WDR82: variants seen among roughly 807,000 people sequenced by gnomAD.
WDR82 encodes WD repeat domain 82, also known as WD repeat-containing protein 82.
WDR82 carries 8 observed loss-of-function variants against 36.1 expected under a neutral mutation model. The observed-to-expected ratio is 0.22, with a 90% CI of 0.13 to 0.40. WDR82 has a LOEUF of 0.40. Among genes scored for constraint, WDR82 ranks in the 10% least tolerant of loss-of-function variants. The probability of loss-of-function intolerance (pLI) is 1.00; values close to 1 mark genes in which losing one functional copy is unlikely to be tolerated. For missense variants in WDR82, 185 were observed against 400.5 expected (o/e 0.46, Z 4.59); for synonymous variants, 129 against 137.8 (o/e 0.94, Z 0.45).
In WDR82 at chr3:52,278,350, G is replaced by T. The variant is rs755133868; in HGVS notation, c.12C>A (p.Thr4=). 2 of 1,577,066 alleles carry T rather than the reference G, an allele frequency of 1.3e-6. No individual in the cohort carries two copies. Among genetic ancestry groups the T allele is most frequent in the South Asian group, 2.3e-5 (2 of 87,274 alleles). MKL[T]DSVLRSFRVA... ...CGCGGAAGCTCCGCAACACGCTGTC[G>T]GTCAGCTTCATGGCGGCGGCTGGGG... Residue 4 remains threonine, a synonymous_variant, in exon 1 of 9, where the codon ACC becomes ACA. Coordinates refer to ENST00000296490, the MANE Select transcript of WDR82 (RefSeq NM_025222.4).
At chr3:52,258,515 T>C (rs1217905828) in intron 8 of WDR82, 21 bp downstream of exon 8, 1 of 1,612,734 alleles carries the variant, frequency 6.2e-7, no homozygotes, top group Non-Finnish European at 8.5e-7. Context: ...GAGTAGCAGA[T>C]ACCTCTTACT....
chr3:52,267,044 TG>T, intron 2 of WDR82, 26 bp from the exon 3 acceptor site: 6 of 1,567,064 alleles, frequency 3.8e-6, no homozygotes, highest in South Asian at 1.1e-5. Context: ...CAAGGTATGA[TG>T]ATATCATACT....
At chr3:52,271,601 C>G (rs1700154690) in intron 1 of WDR82, among the ~76,000 whole-genome samples, 1 of 147,880 alleles carries the variant, frequency 6.8e-6, no homozygotes. Flanking sequence ...TTTTTTTTTT[C>G]AAGACGGCAG....
intron 3 of WDR82, among the ~76,000 whole-genome samples, chr3:52,263,788 G>A (rs1437138206): frequency 1.3e-5 from 2 of 152,224 alleles, no homozygotes; most frequent in African/African-American, 2.4e-5. Context: ...CCCAAAAAAG[G>A]TAACAATGAT....
In WDR82 at chr3:52,278,413, G is replaced by C. The variant is rs1227653771; in HGVS notation, c.-52C>G. 1 of 1,246,634 alleles carries C rather than the reference G, an allele frequency of 8.0e-7. No homozygotes were observed. Among genetic ancestry groups the C allele is most frequent in the Non-Finnish European group, 1.0e-6 (1 of 991,676 alleles). The allele number at this position is 1,246,634 out of a possible 1,614,324, so 77.2% of individuals were successfully genotyped here. ...GCGCAGGGCCGGGGCGGGGCCCGGC[G>C]GCGAGCGGGCGGGCTGCCGAGGGGC... On this transcript the variant is annotated 5_prime_UTR_variant, in exon 1 of 9. Transcript: ENST00000296490.
chr3:52,278,123 A>AG, intron 1 of WDR82, 78 bp downstream of exon 1: 1 of 1,378,100 alleles, frequency 7.3e-7, no homozygotes, highest in African/African-American at 1.5e-5. Flanking sequence ...GTCGGGACGG[A>AG]GGGCAGGCCG....
chr3:52,270,487 C>T (rs1163140987), intron 2 of WDR82, among the ~76,000 whole-genome samples: 2 of 152,224 alleles, frequency 1.3e-5, no homozygotes, highest in East Asian at 1.9e-4. Flanking sequence ...TTTTTCCACT[C>T]CCCACTCTGA....
chr3:52,274,363 T>A (rs1700182287), intron 1 of WDR82, among the ~76,000 whole-genome samples: 1 of 150,624 alleles, frequency 6.6e-6, no homozygotes, highest in Non-Finnish European at 1.5e-5. Flanking sequence ...AGTTCAGGAG[T>A]TTGAGACCAG....
At position 52,278,594 on chromosome 3, in the gene WDR82, C is replaced by T. The variant is rs1700229784; in HGVS notation, c.-233G>A. On this transcript the variant is annotated 5_prime_UTR_variant, in exon 1 of 9. Coordinates refer to ENST00000296490, the MANE Select transcript of WDR82 (RefSeq NM_025222.4). ...TCCTCACAGCCACCTCACGGACAAC[C>T]GGCGCGTCGCCGGCTCATTGTGTCC... The T allele has an allele frequency of 7.4e-6, 3 of 405,410 alleles. No individual in the cohort carries two copies. The highest frequency in any genetic ancestry group is 2.1e-5 in the African/African-American group (1 of 48,776). The allele number at this position is 405,410 out of a possible 1,614,324, so 25.1% of individuals were successfully genotyped here. A position where few individuals can be genotyped will look rare whatever the true frequency, so the allele number is the denominator to read the frequency against.
chr3:52,260,190 G>A (rs148416654), intron 5 of WDR82, among the ~76,000 whole-genome samples, 195 bp downstream of exon 5: 6 of 152,266 alleles, frequency 3.9e-5, no homozygotes, highest in African/African-American at 1.4e-4. Context: ...TTAGCCAGGC[G>A]TGGTGGCGGA....
chr3:52,262,346 TA>T (rs1700069023), intron 3 of WDR82, among the ~76,000 whole-genome samples: 1 of 152,192 alleles, frequency 6.6e-6, no homozygotes, highest in South Asian at 2.1e-4. Context: ...GCAAATATAG[TA>T]AAAACCACTG....
intron 4 of WDR82, 52 bp downstream of exon 4, chr3:52,261,328 C>T: frequency 6.7e-7 from 1 of 1,490,842 alleles, no homozygotes; most frequent in Non-Finnish European, 9.3e-7. Context: ...GAGTTCATTA[C>T]AGTGCCTACC....
intron 8 of WDR82, 51 bp downstream of exon 8, chr3:52,258,485 C>T (rs1700031456): frequency 1.2e-6 from 2 of 1,610,134 alleles, no homozygotes; most frequent in East Asian, 2.2e-5. Context: ...CACCCACCAC[C>T]CCAACTGGGA....
chr3:52,262,685 C>T (rs368230304), intron 3 of WDR82, among the ~76,000 whole-genome samples: 4 of 152,184 alleles, frequency 2.6e-5, no homozygotes, highest in African/African-American at 7.2e-5. Context: ...TTTTGGTTCC[C>T]TTTTGTGGTT....
chr3:52,268,403 A>C lies in WDR82; in HGVS notation c.260-1385T>G, dbSNP rs528905858. 1.9e-4 allele frequency: 91 copies of C among 467,560 alleles called. 1 individual carries two copies. Among genetic ancestry groups the C allele is most frequent in the South Asian group, 1.4e-3 (89 of 64,280 alleles). 29.0% of individuals were successfully genotyped at this position (467,560 alleles called of 1,614,324 possible). On this transcript the variant is annotated intron_variant, in intron 2 of 8. Transcript: ENST00000296490. ...AAACGGAGCGCTGGAGGAACTCTTCAGGATGCACTTGAGACAGGAAAGGGA... is the reference window on the plus strand; with the variant it reads ...AAACGGAGCGCTGGAGGAACTCTTCCGGATGCACTTGAGACAGGAAAGGGA...
chr3:52,259,414 G>C (rs1315100238), intron 6 of WDR82, 148 bp from the exon 7 acceptor site: 15 of 842,564 alleles, frequency 1.8e-5, no homozygotes, highest in Non-Finnish European at 2.8e-5. Flanking sequence ...TCCAAATGTG[G>C]TTGCCATCGT....
At chr3:52,269,387 A>G (rs1167305392) in intron 2 of WDR82, among the ~76,000 whole-genome samples, 1 of 152,202 alleles carries the variant, frequency 6.6e-6, no homozygotes, top group Admixed American at 6.5e-5. Context: ...AGGCAAGAGC[A>G]TCGCTTGAAC....
intron 2 of WDR82, among the ~76,000 whole-genome samples, chr3:52,269,556 C>T (rs1700135390): frequency 6.6e-6 from 1 of 151,916 alleles, no homozygotes. Context: ...TGGTGAAACC[C>T]TGTCTCTACT....
At chr3:52,277,568 G>C (rs1196154765) in intron 1 of WDR82, among the ~76,000 whole-genome samples, 1 of 152,222 alleles carries the variant, frequency 6.6e-6, no homozygotes. Context: ...GTTCACTTAT[G>C]AACGTGGGCA....
Sources: allele counts gnomAD v4.1 joint callset (sites outside exome capture counted in the v4.1 genomes callset), GRCh38; gene constraint gnomAD v4.1.1; transcripts MANE v1.5; gene names NCBI Gene and HGNC (gene_info 2026-07-23, HGNC 2026-07-21).